The following TRERF1 variants were observed in gnomAD, a reference collection of about 807,000 sequenced individuals.
TRERF1 encodes the protein transcriptional-regulating factor 1.
In TRERF1, 27 loss-of-function variants were observed where a neutral mutation model predicts 122.9. That is an observed-to-expected ratio of 0.22 (90% CI 0.16 to 0.30). The LOEUF (loss-of-function observed/expected upper bound fraction) is 0.30. Among genes scored for constraint, TRERF1 ranks in the 10% least tolerant of loss-of-function variants. The probability of loss-of-function intolerance (pLI) is 1.00; values close to 1 mark genes in which losing one functional copy is unlikely to be tolerated. For synonymous variants in TRERF1, 636 were observed against 641.7 expected (o/e 0.99, Z 0.13); for missense variants, 1,248 against 1,560.3 (o/e 0.80, Z 3.37).
exon 18 of TRERF1, chr6:42,227,610 C>T (rs1280584520): frequency 2.6e-5 from 4 of 152,210 alleles, no homozygotes; most frequent in African/African-American, 9.7e-5. Flanking sequence ...CTGACCAGCC[C>T]CCAGGGAACA....
chr6:42,288,574 CAA>C (rs3074797), intron 4 of TRERF1, among the ~76,000 whole-genome samples: 8,201 of 86,488 alleles, frequency 0.095, 288 homozygotes, highest in African/African-American at 0.15. Flanking sequence ...ATCTCAAAAC[CAA>C]AAAAAAAAAA....
intron 3 of TRERF1, among the ~76,000 whole-genome samples, chr6:42,337,130 A>T (rs1766349348): frequency 6.6e-6 from 1 of 152,150 alleles, no homozygotes; most frequent in South Asian, 2.1e-4. Flanking sequence ...CAGTGGGAGC[A>T]TGAAGGAGTT....
chr6:42,324,152 G>T (rs370552730), intron 3 of TRERF1, among the ~76,000 whole-genome samples: 1 of 152,188 alleles, frequency 6.6e-6, no homozygotes, highest in South Asian at 2.1e-4. Flanking sequence ...ATGCAATCCC[G>T]TTTACAACAG....
At chr6:42,430,224 A>G (rs1389952401) in intron 2 of TRERF1, among the ~76,000 whole-genome samples, 8 of 152,172 alleles carry the variant, frequency 5.3e-5, no homozygotes. Flanking sequence ...CTGCCACCCC[A>G]TCCCATCATT....
intron 3 of TRERF1, among the ~76,000 whole-genome samples, chr6:42,308,358 G>A (rs543348050): frequency 2.2e-4 from 33 of 152,330 alleles, no homozygotes; most frequent in South Asian, 8.3e-4. Context: ...AGTGAAAGAC[G>A]TCAAACACAA....
chr6:42,281,707 G>A (rs1308188946), intron 4 of TRERF1, among the ~76,000 whole-genome samples: 2 of 152,146 alleles, frequency 1.3e-5, no homozygotes, highest in Non-Finnish European at 2.9e-5. Flanking sequence ...TGTGGAGGCG[G>A]GTCACAGAGG....
At chr6:42,262,607 GAC>G (rs1363369461) in intron 8 of TRERF1, among the ~76,000 whole-genome samples, 2 of 57,206 alleles carry the variant, frequency 3.5e-5, no homozygotes, top group Admixed American at 1.7e-4. Context: ...GAGACAGACA[GAC>G]GGAAACCCTT....
At chr6:42,287,292 T>TAAAAAAA (rs1187993828) in intron 4 of TRERF1, among the ~76,000 whole-genome samples, 2 of 124,442 alleles carry the variant, frequency 1.6e-5, no homozygotes, top group African/African-American at 3.0e-5. Context: ...TAAAGTATAA[T>TAAAAAAA]AAAAAAAAAA....
chr6:42,242,383 T>G (rs1047256201), intron 15 of TRERF1, among the ~76,000 whole-genome samples: 1 of 151,898 alleles, frequency 6.6e-6, no homozygotes, highest in African/African-American at 2.4e-5. Context: ...CAATTGGGAA[T>G]GAAAATATAA....
chr6:42,245,741 G>A (rs1774668620), intron 14 of TRERF1, among the ~76,000 whole-genome samples: 1 of 152,220 alleles, frequency 6.6e-6, no homozygotes, highest in African/African-American at 2.4e-5. Flanking sequence ...GTGCTACTGG[G>A]TAGAGGGAGG....
At chr6:42,422,562 C>CT in intron 2 of TRERF1, among the ~76,000 whole-genome samples, 1 of 151,596 alleles carries the variant, frequency 6.6e-6, no homozygotes, top group Non-Finnish European at 1.5e-5. Flanking sequence ...CCTTTCACTT[C>CT]TAGCTTTACC....
chr6:42,341,280 A>C (rs1342862374), intron 3 of TRERF1, among the ~76,000 whole-genome samples: 1 of 152,252 alleles, frequency 6.6e-6, no homozygotes, highest in Non-Finnish European at 1.5e-5. Context: ...GATTACAAAT[A>C]ACTGTAAGAA....
At chr6:42,305,138 G>C (rs986786312) in intron 3 of TRERF1, among the ~76,000 whole-genome samples, 4 of 152,202 alleles carry the variant, frequency 2.6e-5, no homozygotes, top group African/African-American at 9.7e-5. Flanking sequence ...AGGAAGCCGA[G>C]GTCTGATGCC....
intron 2 of TRERF1, among the ~76,000 whole-genome samples, chr6:42,406,767 C>G (rs544699369): frequency 6.6e-6 from 1 of 152,056 alleles, no homozygotes; most frequent in South Asian, 2.1e-4. Flanking sequence ...CCCCCACCCC[C>G]CTCCTCCCCA....
intron 2 of TRERF1, among the ~76,000 whole-genome samples, chr6:42,445,186 T>C (rs1787244235): frequency 6.6e-6 from 1 of 151,502 alleles, no homozygotes; most frequent in Non-Finnish European, 1.5e-5. Flanking sequence ...AGAGAATCAC[T>C]TGAACATGGG....
intron 3 of TRERF1, among the ~76,000 whole-genome samples, chr6:42,350,224 C>G (rs920613702): frequency 6.6e-6 from 1 of 152,304 alleles, no homozygotes; most frequent in South Asian, 2.1e-4. Context: ...TCCAACACAT[C>G]CACCTAGAAC....
At chr6:42,298,514 C>T (rs558062246) in intron 4 of TRERF1, among the ~76,000 whole-genome samples, 19 of 150,774 alleles carry the variant, frequency 1.3e-4, no homozygotes, top group Admixed American at 2.7e-4. Context: ...GAGATGAAAA[C>T]GTAAAATAGG....
intron 4 of TRERF1, among the ~76,000 whole-genome samples, chr6:42,273,446 C>G (rs1270119923): frequency 6.6e-6 from 1 of 152,108 alleles, no homozygotes; most frequent in Non-Finnish European, 1.5e-5. Flanking sequence ...TTTAGACAGG[C>G]AGAAAAAGAC....
intron 2 of TRERF1, among the ~76,000 whole-genome samples, chr6:42,422,171 C>T (rs761093459): frequency 3.2e-4 from 49 of 150,968 alleles, no homozygotes; most frequent in Non-Finnish European, 5.9e-4. Context: ...GACTCCATCT[C>T]ATTAAAAAAA....
Sources: allele counts gnomAD v4.1 joint callset (sites outside exome capture counted in the v4.1 genomes callset), GRCh38; gene constraint gnomAD v4.1.1; transcripts MANE v1.5; gene names NCBI Gene and HGNC (gene_info 2026-07-23, HGNC 2026-07-21).